The following CBFA2T2 variants were observed in gnomAD, a reference collection of about 807,000 sequenced individuals.
CBFA2T2 encodes the protein protein CBFA2T2.
Under a neutral mutation model 62.2 loss-of-function variants are expected in CBFA2T2, and 11 were observed. That is an observed-to-expected ratio of 0.18 (90% CI 0.11 to 0.29). CBFA2T2 has a LOEUF of 0.29. Ranked by LOEUF, CBFA2T2 falls within the 10% of genes least tolerant of loss-of-function variation. CBFA2T2 has a pLI of 1.00. For missense variants in CBFA2T2, 592 were observed against 774.1 expected (o/e 0.76, Z 2.79); for synonymous variants, 295 against 287.5 (o/e 1.03, Z -0.27).
chr20:33,507,803 G>A (rs2146852173), intron 1 of CBFA2T2, among the ~76,000 whole-genome samples: 1 of 152,290 alleles, frequency 6.6e-6, no homozygotes, highest in African/African-American at 2.4e-5. Context: ...TCATAGATCT[G>A]TAGAGTAAAT....
At chr20:33,617,733 A>G (rs2015763468) in intron 3 of CBFA2T2, among the ~76,000 whole-genome samples, 2 of 152,206 alleles carry the variant, frequency 1.3e-5, no homozygotes, top group Non-Finnish European at 2.9e-5. Flanking sequence ...TGCAAATGTC[A>G]TATACTTAAA....
At chr20:33,544,297 A>C (rs556292761) in intron 1 of CBFA2T2, among the ~76,000 whole-genome samples, 1 of 152,254 alleles carries the variant, frequency 6.6e-6, no homozygotes, top group Admixed American at 6.5e-5. Context: ...CTGTAGGCCT[A>C]GTCTTGCCTC....
At chr20:33,574,937 A>T (rs1489001651) in intron 1 of CBFA2T2, among the ~76,000 whole-genome samples, 1 of 152,258 alleles carries the variant, frequency 6.6e-6, no homozygotes, top group Non-Finnish European at 1.5e-5. Flanking sequence ...AATGTGGCTG[A>T]TAAAGCGTTT....
At chr20:33,636,303 CAT>C (rs940580705) in intron 8 of CBFA2T2, among the ~76,000 whole-genome samples, 1 of 149,266 alleles carries the variant, frequency 6.7e-6, no homozygotes, top group Non-Finnish European at 1.5e-5. Context: ...ATGTTTTATA[CAT>C]TTATATTTTA....
intron 1 of CBFA2T2, among the ~76,000 whole-genome samples, chr20:33,505,736 G>A (rs573775366): frequency 2.0e-5 from 3 of 151,884 alleles, no homozygotes; most frequent in Admixed American, 6.6e-5. Flanking sequence ...AGCCGAGATC[G>A]CGCCATTGCA....
chr20:33,586,463 T>C (rs1001294310), intron 1 of CBFA2T2, among the ~76,000 whole-genome samples: 2 of 152,186 alleles, frequency 1.3e-5, no homozygotes, highest in African/African-American at 4.8e-5. Flanking sequence ...GTTATAGACA[T>C]AGGAAAACTG....
chr20:33,590,064 G>A (rs552382831), intron 1 of CBFA2T2, among the ~76,000 whole-genome samples: 1 of 151,736 alleles, frequency 6.6e-6, no homozygotes, highest in East Asian at 1.9e-4. Flanking sequence ...ACCAGCTAGT[G>A]AGACCCTGTC....
At chr20:33,623,427 C>G in intron 5 of CBFA2T2, 131 bp downstream of exon 5, 2 of 1,040,704 alleles carry the variant, frequency 1.9e-6, no homozygotes, top group Non-Finnish European at 2.8e-6. Context: ...AGGCCTGGCT[C>G]TGTCGCCCAG....
chr20:33,494,267 ATATATATTTTTTTT>A (rs1568783058), intron 1 of CBFA2T2, among the ~76,000 whole-genome samples: 27 of 44,220 alleles, frequency 6.1e-4, no homozygotes, highest in Non-Finnish European at 8.3e-4. Context: ...ATATATATAT[ATATATATTTTTTTT>A]TTTTTTTTTT....
At chr20:33,599,428 A>C (rs1198932891) in intron 1 of CBFA2T2, among the ~76,000 whole-genome samples, 1 of 152,214 alleles carries the variant, frequency 6.6e-6, no homozygotes, top group Non-Finnish European at 1.5e-5. Context: ...CCTGAGCTAT[A>C]ATAATGATAA....
intron 1 of CBFA2T2, among the ~76,000 whole-genome samples, chr20:33,514,219 T>G (rs1399397895): frequency 3.8e-5 from 5 of 131,462 alleles, no homozygotes; most frequent in Admixed American, 7.6e-5. Context: ...TTTTTTTTTT[T>G]TTTTTTTTTT....
In CBFA2T2 at chr20:33,623,167, AG is replaced by A; in HGVS notation, c.564del (p.Lys188AsnfsTer82). On this transcript the variant is annotated frameshift_variant, in exon 5 of 11. Coordinates refer to ENST00000342704, the MANE Select transcript of CBFA2T2 (RefSeq NM_001032999.3). LOFTEE classifies it high-confidence loss of function. ...RELLHCARAA[K>X]QTPSQYLAQH... ...CTGCTGCACTGCGCTCGGGCGGCCA[AG>A]CAGACCCCATCCCAGTACCTGGCTC... is the stretch of plus-strand genomic sequence containing the variant. 1 of 1,614,252 alleles carries A rather than the reference AG, an allele frequency of 6.2e-7. No homozygotes were observed. The highest frequency in any genetic ancestry group is 8.5e-7 in the Non-Finnish European group (1 of 1,180,034).
chr20:33,592,445 AATAT>A (rs998118755), intron 1 of CBFA2T2, among the ~76,000 whole-genome samples: 1 of 148,084 alleles, frequency 6.8e-6, no homozygotes, highest in Non-Finnish European at 1.5e-5. Context: ...TAATTATGTA[AATAT>A]ATATATAAAA....
intron 1 of CBFA2T2, among the ~76,000 whole-genome samples, chr20:33,600,050 G>C (rs918535964): frequency 6.6e-6 from 1 of 151,958 alleles, no homozygotes; most frequent in African/African-American, 2.4e-5. Context: ...TTACAAAGAT[G>C]GTAAATGCTC....
At chr20:33,597,444 C>T (rs1285516186) in intron 1 of CBFA2T2, among the ~76,000 whole-genome samples, 4 of 152,082 alleles carry the variant, frequency 2.6e-5, no homozygotes, top group South Asian at 2.1e-4. Flanking sequence ...GGCTGCATAC[C>T]GGTATGGATC....
At chr20:33,578,116 G>A (rs1401050618) in intron 1 of CBFA2T2, among the ~76,000 whole-genome samples, 2 of 152,134 alleles carry the variant, frequency 1.3e-5, no homozygotes, top group East Asian at 3.8e-4. Context: ...TTTGTGGTCA[G>A]TTGGTCACAA....
intron 1 of CBFA2T2, among the ~76,000 whole-genome samples, chr20:33,518,096 G>T (rs1382778157): frequency 6.6e-6 from 1 of 151,910 alleles, no homozygotes; most frequent in Non-Finnish European, 1.5e-5. Flanking sequence ...CTACAGGCAC[G>T]TGCAACCATG....
intron 1 of CBFA2T2, among the ~76,000 whole-genome samples, chr20:33,492,879 T>C (rs1281918088): frequency 6.6e-6 from 1 of 151,986 alleles, no homozygotes; most frequent in East Asian, 1.9e-4. Context: ...GTACTCAGCC[T>C]CCTGAGGAGC....
At chr20:33,564,360 T>G (rs2013208226) in intron 1 of CBFA2T2, among the ~76,000 whole-genome samples, 1 of 151,524 alleles carries the variant, frequency 6.6e-6, no homozygotes, top group Non-Finnish European at 1.5e-5. Context: ...CCTCCCGGGT[T>G]CAAGCTATTC....
Sources: allele counts gnomAD v4.1 joint callset (sites outside exome capture counted in the v4.1 genomes callset), GRCh38; gene constraint gnomAD v4.1.1; transcripts MANE v1.5; gene names NCBI Gene and HGNC (gene_info 2026-07-23, HGNC 2026-07-21).